MAPRE1: variants seen among roughly 807,000 people sequenced by gnomAD.
MAPRE1 encodes microtubule-associated protein RP/EB family member 1.
In MAPRE1, 5 loss-of-function variants were observed where a neutral mutation model predicts 32.1. That is an observed-to-expected ratio of 0.16 (90% CI 0.08 to 0.33). MAPRE1 has a LOEUF of 0.33. MAPRE1 is among the 10% of genes least tolerant of loss of function. MAPRE1 has a pLI of 1.00. For missense variants in MAPRE1, 209 were observed against 327.2 expected, an observed-to-expected ratio of 0.64 and a Z score of 2.79; for synonymous variants, 122 against 118.9, an observed-to-expected ratio of 1.03 and a Z score of -0.17.
At chr20:32,828,790 A>G (rs140840579) in intron 2 of MAPRE1, among the ~76,000 whole-genome samples, 1 of 152,350 alleles carries the variant, frequency 6.6e-6, no homozygotes, top group East Asian at 1.9e-4. Context: ...TTCTGAGCAC[A>G]CAGCCCACAT....
chr20:32,843,785 A>G (rs1983426832), intron 5 of MAPRE1, among the ~76,000 whole-genome samples: 1 of 151,686 alleles, frequency 6.6e-6, no homozygotes, highest in Admixed American at 6.6e-5. Context: ...GGGGCTTCTT[A>G]GGTTATAACT....
chr20:32,828,585 G>A (rs558430035), intron 2 of MAPRE1, among the ~76,000 whole-genome samples: 1 of 152,272 alleles, frequency 6.6e-6, no homozygotes, highest in South Asian at 2.1e-4. Flanking sequence ...TGTGAACTGG[G>A]GCAGCGATAC....
chr20:32,824,681 GTTT>G (rs11482252), intron 1 of MAPRE1, among the ~76,000 whole-genome samples: 3 of 140,010 alleles, frequency 2.1e-5, no homozygotes, highest in Admixed American at 7.1e-5. Flanking sequence ...AGAATTTATA[GTTT>G]TTTTTTTTTT....
chr20:32,830,993 G>A (rs976142395), intron 2 of MAPRE1, among the ~76,000 whole-genome samples: 1 of 151,998 alleles, frequency 6.6e-6, no homozygotes, highest in Non-Finnish European at 1.5e-5. Context: ...CAAAGTGCTG[G>A]GATTACAGGT....
intron 4 of MAPRE1, among the ~76,000 whole-genome samples, chr20:32,837,414 C>T (rs557305714): frequency 2.0e-5 from 3 of 151,700 alleles, no homozygotes; most frequent in African/African-American, 2.4e-5. Flanking sequence ...GAGTCAGGGG[C>T]GGGGGTAGGG....
At chr20:32,832,098 C>T (rs1366759551) in intron 2 of MAPRE1, among the ~76,000 whole-genome samples, 1 of 152,162 alleles carries the variant, frequency 6.6e-6, no homozygotes, top group Non-Finnish European at 1.5e-5. Flanking sequence ...CCCCTGCTCT[C>T]GTTTATGTTG....
At chr20:32,843,679 T>C (rs953623375) in intron 5 of MAPRE1, among the ~76,000 whole-genome samples, 1 of 152,220 alleles carries the variant, frequency 6.6e-6, no homozygotes, top group African/African-American at 2.4e-5. Context: ...GTGATACTTG[T>C]AGCTCATCTC....
At chr20:32,835,116 T>C (rs1983151031) in intron 3 of MAPRE1, among the ~76,000 whole-genome samples, 1 of 152,192 alleles carries the variant, frequency 6.6e-6, no homozygotes, top group Non-Finnish European at 1.5e-5. Context: ...TCCTAGCTAC[T>C]CTGGAGGTTG....
chr20:32,841,614 C>A (rs1320328912), intron 5 of MAPRE1, among the ~76,000 whole-genome samples: 1 of 130,946 alleles, frequency 7.6e-6, no homozygotes, highest in Non-Finnish European at 1.6e-5. Context: ...TATCCCTCCC[C>A]CCTCCCCCCA....
chr20:32,840,828 T>C (rs1223702210), intron 5 of MAPRE1, among the ~76,000 whole-genome samples: 2 of 152,218 alleles, frequency 1.3e-5, no homozygotes, highest in African/African-American at 4.8e-5. Context: ...TTTATTTTCT[T>C]TTTTTGAGAC....
At chr20:32,833,107 T>TG (rs1191620740) in intron 2 of MAPRE1, among the ~76,000 whole-genome samples, 2 of 152,026 alleles carry the variant, frequency 1.3e-5, no homozygotes, top group Admixed American at 6.6e-5. Flanking sequence ...GAGGCTGAGG[T>TG]GGGAGGATCA....
Position 32,836,811 on chromosome 20 carries a change from C to T in MAPRE1, c.445C>T (p.Pro149Ser), listed in dbSNP as rs772601473. Residue 149 changes from proline (P) to serine (S), a missense_variant, in exon 4 of 7, where the codon CCG (proline) becomes TCG (serine). Pro to Ser is a moderately conservative substitution (Grantham distance 74). Transcript: ENST00000375571. ...PSLVAPALNK[P>S]KKPLTSSSAA... ...CCTTGTTGCTCCAGCTCTGAATAAA[C>T]CGAAGAAACCTCTCACTTCTAGCAG... is the stretch of plus-strand genomic sequence containing the variant. 3 of 1,611,416 alleles carry T rather than the reference C, an allele frequency of 1.9e-6. No individual in the cohort carries two copies. The highest frequency in any genetic ancestry group is 2.5e-6 in the Non-Finnish European group (3 of 1,179,404).
chr20:32,821,041 G>C (rs1221544909), intron 1 of MAPRE1, among the ~76,000 whole-genome samples: 1 of 81,700 alleles, frequency 1.2e-5, no homozygotes, highest in Non-Finnish European at 2.6e-5. Context: ...TTTTTTTTTT[G>C]AGACAGAGTT....
At chr20:32,820,649 C>T (rs1457504209) in intron 1 of MAPRE1, among the ~76,000 whole-genome samples, 1 of 152,166 alleles carries the variant, frequency 6.6e-6, no homozygotes, top group Non-Finnish European at 1.5e-5. Flanking sequence ...TGTTGGGCAC[C>T]GTGCTAAACC....
At chr20:32,847,314 T>C (rs1339954179) in intron 6 of MAPRE1, among the ~76,000 whole-genome samples, 2 of 152,232 alleles carry the variant, frequency 1.3e-5, no homozygotes, top group African/African-American at 2.4e-5. Context: ...TCTGTTGATA[T>C]TAATCACGAC....
At chr20:32,846,389 T>C (rs1272745265) in intron 5 of MAPRE1, among the ~76,000 whole-genome samples, 1 of 152,238 alleles carries the variant, frequency 6.6e-6, no homozygotes, top group Non-Finnish European at 1.5e-5. Flanking sequence ...AGCTTCTACA[T>C]GTTTCAAGGG....
At chr20:32,828,509 A>G (rs1982931619) in intron 2 of MAPRE1, among the ~76,000 whole-genome samples, 1 of 152,256 alleles carries the variant, frequency 6.6e-6, no homozygotes, top group Non-Finnish European at 1.5e-5. Context: ...CTGGGCATAA[A>G]GAGGCTTCAG....
At position 32,850,204 on chromosome 20, in the gene MAPRE1, T is replaced by G. The variant is rs917921745; in HGVS notation, c.*1476T>G. On this transcript the variant is annotated 3_prime_UTR_variant, in exon 7 of 7. Transcript: ENST00000375571. ...GTGGAATTCAGAGGAAAACCCAGAT[T>G]CAGTGATTAACAATGCCAAAAAATG... The G allele has an allele frequency of 1.3e-5, 2 of 152,636 alleles. No homozygotes were observed. Among genetic ancestry groups the G allele is most frequent in the African/African-American group, 2.4e-5 (1 of 41,452 alleles). The allele number at this position is 152,636 out of a possible 1,614,324, so 9.5% of individuals were successfully genotyped here.
intron 3 of MAPRE1, 81 bp downstream of exon 3, chr20:32,833,943 G>T: frequency 7.6e-7 from 1 of 1,316,654 alleles, no homozygotes; most frequent in South Asian, 1.8e-5. Context: ...TTATGACTTT[G>T]GACATTTTCT....
Sources: allele counts gnomAD v4.1 joint callset (sites outside exome capture counted in the v4.1 genomes callset), GRCh38; gene constraint gnomAD v4.1.1; transcripts MANE v1.5; gene names NCBI Gene and HGNC (gene_info 2026-07-23, HGNC 2026-07-21).